MPPED2: variants seen among roughly 807,000 people sequenced by gnomAD.
The protein encoded by MPPED2 is metallophosphoesterase domain containing 2.
Under a neutral mutation model 33.0 loss-of-function variants are expected in MPPED2, and 5 were observed. The observed-to-expected ratio is 0.15, with a 90% CI of 0.08 to 0.32. The LOEUF is 0.32. MPPED2 is among the 10% of genes least tolerant of loss of function. The pLI is 1.00. For missense variants in MPPED2, 275 were observed against 372.1 expected (o/e 0.74, Z 2.15); for synonymous variants, 136 against 141.9 (o/e 0.96, Z 0.29).
intron 4 of MPPED2, among the ~76,000 whole-genome samples, chr11:30,479,856 T>C (rs34137729): frequency 2.0e-4 from 30 of 152,092 alleles, no homozygotes; most frequent in Non-Finnish European, 3.4e-4. Flanking sequence ...ACTGAGAAAT[T>C]TGCTAATTGC....
intron 3 of MPPED2, among the ~76,000 whole-genome samples, chr11:30,523,395 A>G (rs1953982134): frequency 6.6e-6 from 1 of 152,182 alleles, no homozygotes; most frequent in African/African-American, 2.4e-5. Context: ...AAGGATGACT[A>G]TCCTTATCCA....
chr11:30,430,056 C>T (rs1475453795), intron 4 of MPPED2, among the ~76,000 whole-genome samples: 7 of 151,926 alleles, frequency 4.6e-5, no homozygotes, highest in Admixed American at 3.9e-4. Flanking sequence ...AAATAGAGGT[C>T]AAGAAAATAT....
chr11:30,434,743 C>A (rs945730357), intron 4 of MPPED2, among the ~76,000 whole-genome samples: 7 of 152,192 alleles, frequency 4.6e-5, no homozygotes, highest in Admixed American at 2.6e-4. Context: ...GTAAGTGATA[C>A]CTTTCCGTTT....
chr11:30,468,003 C>A (rs1590396700), intron 4 of MPPED2, among the ~76,000 whole-genome samples: 1 of 52,892 alleles, frequency 1.9e-5, no homozygotes, highest in East Asian at 2.2e-3. Context: ...CTACAGCTCT[C>A]CCCAGAGGCC....
At chr11:30,522,628 C>T (rs1201133146) in intron 3 of MPPED2, among the ~76,000 whole-genome samples, 1 of 152,218 alleles carries the variant, frequency 6.6e-6, no homozygotes, top group Non-Finnish European at 1.5e-5. Flanking sequence ...ATGCGAGGCT[C>T]TTCTGGGACT....
At chr11:30,541,274 T>C (rs1048356247) in intron 2 of MPPED2, among the ~76,000 whole-genome samples, 15 of 152,134 alleles carry the variant, frequency 9.9e-5, no homozygotes, top group Non-Finnish European at 1.8e-4. Flanking sequence ...GTTTTTTTAC[T>C]CACAAAAAAT....
chr11:30,466,102 C>G (rs1286448340), intron 4 of MPPED2, among the ~76,000 whole-genome samples: 3 of 152,220 alleles, frequency 2.0e-5, no homozygotes, highest in Non-Finnish European at 4.4e-5. Flanking sequence ...TGAGTGCACA[C>G]TCTTTGCTCT....
intron 4 of MPPED2, among the ~76,000 whole-genome samples, chr11:30,447,830 G>C (rs1949879823): frequency 6.6e-6 from 1 of 152,102 alleles, no homozygotes; most frequent in Non-Finnish European, 1.5e-5. Context: ...CCCTGCCCTA[G>C]GTGCTGGAGA....
intron 4 of MPPED2, among the ~76,000 whole-genome samples, chr11:30,438,610 C>A (rs1044901007): frequency 6.6e-6 from 1 of 152,178 alleles, no homozygotes; most frequent in East Asian, 1.9e-4. Context: ...TTTTTTAAAC[C>A]CATACATAAC....
At chr11:30,562,548 C>T (rs1323609759) in intron 2 of MPPED2, among the ~76,000 whole-genome samples, 1 of 152,150 alleles carries the variant, frequency 6.6e-6, no homozygotes, top group Non-Finnish European at 1.5e-5. Flanking sequence ...AGAACTAAGG[C>T]AGACGCCCAA....
At chr11:30,501,240 C>T (rs118180405) in intron 3 of MPPED2, among the ~76,000 whole-genome samples, 60 of 152,280 alleles carry the variant, frequency 3.9e-4, no homozygotes, top group Admixed American at 7.2e-4. Context: ...CAAATTGGAC[C>T]ACTCCCTGAT....
Position 30,399,510 on chromosome 11 carries a change from T to C in MPPED2, c.767-10554A>G, listed in dbSNP as rs561766477. ...GAATGTTGGCAGGCATCACACAGAGTAGAACGTAATGTACTGTTTTGTGTC... is the reference window on the plus strand; with the variant it reads ...GAATGTTGGCAGGCATCACACAGAGCAGAACGTAATGTACTGTTTTGTGTC... On this transcript the variant is annotated intron_variant, in intron 6 of 6. Transcript: ENST00000448418. Among the ~76,000 whole-genome samples the C allele has an allele frequency of 2.6e-5, 4 of 152,312 alleles. No homozygotes were observed. In the East Asian group the frequency reaches 5.8e-4, roughly 22 times the overall value.
At chr11:30,461,396 A>T (rs968228320) in intron 4 of MPPED2, among the ~76,000 whole-genome samples, 3 of 149,974 alleles carry the variant, frequency 2.0e-5, no homozygotes, top group African/African-American at 7.6e-5. Flanking sequence ...TTTTACCAAT[A>T]AAAAAATGAA....
rs35857172 is a variant in MPPED2 at position 30,472,361 on chromosome 11, G to GAATAATAAT, written c.536+22926_536+22934dup. ...AGGCAACAGAACAAGGGCCTGTCTC[G>GAATAATAAT]AATAATAATAATAATAATAATAATT... On this transcript the variant is annotated intron_variant, in intron 4 of 6. Transcript: ENST00000358117. Among the ~76,000 whole-genome samples the GAATAATAAT allele has an allele frequency of 6.0e-3, 909 of 150,848 alleles. 22 individuals are homozygous for GAATAATAAT. Among genetic ancestry groups the GAATAATAAT allele is most frequent in the African/African-American group, 0.021 (867 of 40,970 alleles).
rs1956250603 is a variant in MPPED2 at position 30,561,776 on chromosome 11, A to C, written c.128+18470T>G. Among the ~76,000 whole-genome samples, 3 of 152,218 alleles carry C rather than the reference A, an allele frequency of 2.0e-5. No homozygotes were observed. The South Asian group carries it at 6.2e-4, about 31-fold the overall frequency. On this transcript the variant is annotated intron_variant, in intron 2 of 6. Transcript: ENST00000358117. ...TCCTTGTGGAGCAACCTGTGACCAC[A>C]GGGTTTCTCAACCCTAAAGAAGAAG...
rs199611856 is a variant in MPPED2, at chr11:30,583,134, C to CTTTTTTTTTTTT, written c.-121-2652_-121-2641dup. On this transcript the variant is annotated intron_variant, in intron 1 of 6. Coordinates refer to ENST00000358117, the MANE Select transcript of MPPED2 (RefSeq NM_001584.3). ...CACAAACACCTGGAAAAGACTTTTT[C>CTTTTTTTTTTTT]TTTTTTTTTTTTTTTTTTTTTTTTT... Among the ~76,000 whole-genome samples, 213 of 96,648 alleles carry CTTTTTTTTTTTT rather than the reference C, an allele frequency of 2.2e-3. 19 individuals carry two copies. The highest frequency in any genetic ancestry group is 9.8e-3 in the African/African-American group (203 of 20,658). The allele number at this position is 96,648 out of a possible 152,430, so 63.4% of individuals were successfully genotyped here.
intron 2 of MPPED2, among the ~76,000 whole-genome samples, chr11:30,550,290 C>A (rs1186384702): frequency 6.6e-6 from 1 of 152,120 alleles, no homozygotes; most frequent in Non-Finnish European, 1.5e-5. Context: ...TCTTTCCCAC[C>A]CCTGCTGTAG....
chr11:30,470,851 G>C (rs1950917816), intron 4 of MPPED2, among the ~76,000 whole-genome samples: 1 of 151,972 alleles, frequency 6.6e-6, no homozygotes, highest in Non-Finnish European at 1.5e-5. Flanking sequence ...CACCTCCTCT[G>C]CCTCTAGCCA....
At chr11:30,453,279 A>C (rs1950142018) in intron 4 of MPPED2, among the ~76,000 whole-genome samples, 1 of 152,192 alleles carries the variant, frequency 6.6e-6, no homozygotes, top group South Asian at 2.1e-4. Flanking sequence ...AAAGCGTTCC[A>C]GGTTCAGAAA....
Sources: gnomAD v4.1 joint callset for allele counts (sites outside exome capture counted in the v4.1 genomes callset) on GRCh38, gnomAD v4.1.1 for gene constraint, MANE v1.5 for transcripts, NCBI Gene and HGNC (gene_info 2026-07-23, HGNC 2026-07-21) for gene names.